ITFG1: variants seen among roughly 807,000 people sequenced by gnomAD.
ITFG1 encodes the protein T-cell immunomodulatory protein.
In ITFG1, 34 loss-of-function variants were observed where a neutral mutation model predicts 81.8. The ratio of observed to expected loss-of-function variants is 0.42; its 90% confidence interval spans 0.32 to 0.55. The LOEUF (loss-of-function observed/expected upper bound fraction) is 0.55. ITFG1 is among the 20% of genes least tolerant of loss of function. The pLI, the probability that ITFG1 is intolerant of heterozygous loss-of-function variation, is 0.17. For synonymous variants in ITFG1, 285 were observed against 270.6 expected (o/e 1.05, Z -0.52); for missense variants, 672 against 755.4 (o/e 0.89, Z 1.29).
chr16:47,199,269 C>CACAAACCAAA (rs1555503771), intron 14 of ITFG1, among the ~76,000 whole-genome samples: 4 of 150,628 alleles, frequency 2.7e-5, no homozygotes, highest in African/African-American at 9.8e-5. Flanking sequence ...TCCAAAAAAA[C>CACAAACCAAA]CCAAACCAAA....
intron 6 of ITFG1, among the ~76,000 whole-genome samples, chr16:47,428,517 T>TA (rs112235911): frequency 2.3e-3 from 339 of 150,064 alleles, no homozygotes; most frequent in African/African-American, 7.7e-3. Context: ...ATAAAAAAGG[T>TA]AAAAAAAACA....
At chr16:47,215,734 C>A (rs1346325028) in intron 14 of ITFG1, among the ~76,000 whole-genome samples, 1 of 152,112 alleles carries the variant, frequency 6.6e-6, no homozygotes, top group Non-Finnish European at 1.5e-5. Flanking sequence ...TTATAAACAT[C>A]AAAAATTATC....
At chr16:47,188,773 G>GA (rs112805222) in intron 14 of ITFG1, among the ~76,000 whole-genome samples, 15,873 of 148,322 alleles carry the variant, frequency 0.11, 1,671 homozygotes, top group African/African-American at 0.28. Context: ...AGTATAATAA[G>GA]AAAAAAAAAA....
intron 10 of ITFG1, among the ~76,000 whole-genome samples, chr16:47,264,841 A>T (rs115855775): frequency 6.6e-6 from 1 of 152,308 alleles, no homozygotes; most frequent in African/African-American, 2.4e-5. Context: ...TGATGACAGC[A>T]GCTGAGTATT....
At chr16:47,219,584 G>A (rs1965666199) in intron 13 of ITFG1, among the ~76,000 whole-genome samples, 1 of 152,072 alleles carries the variant, frequency 6.6e-6, no homozygotes, top group South Asian at 2.1e-4. Context: ...AGAAACCAAA[G>A]ATTGCAATGG....
intron 6 of ITFG1, among the ~76,000 whole-genome samples, chr16:47,426,983 G>A (rs1415419633): frequency 6.6e-6 from 1 of 152,142 alleles, no homozygotes; most frequent in Non-Finnish European, 1.5e-5. Flanking sequence ...AAAAACAGGT[G>A]GGAAGTGGGG....
intron 13 of ITFG1, among the ~76,000 whole-genome samples, chr16:47,227,460 T>C (rs918061505): frequency 7.2e-5 from 11 of 152,196 alleles, no homozygotes; most frequent in African/African-American, 2.7e-4. Context: ...AAGACTATCA[T>C]TGGCACCCTT....
chr16:47,427,613 G>A (rs1596977160), intron 6 of ITFG1, among the ~76,000 whole-genome samples: 1 of 152,106 alleles, frequency 6.6e-6, no homozygotes, highest in Admixed American at 6.5e-5. Context: ...GCGACAGAGC[G>A]AGACTCTGTC....
intron 8 of ITFG1, among the ~76,000 whole-genome samples, chr16:47,319,785 C>G (rs1967420280): frequency 6.6e-6 from 1 of 152,154 alleles, no homozygotes; most frequent in Non-Finnish European, 1.5e-5. Context: ...CTTTATCCAC[C>G]ATTGCTTTGC....
chr16:47,355,821 TAC>T (rs1340654486), intron 8 of ITFG1, among the ~76,000 whole-genome samples: 1 of 151,952 alleles, frequency 6.6e-6, no homozygotes, highest in African/African-American at 2.4e-5. Flanking sequence ...ATTATAGATA[TAC>T]ATAATCATAT....
At chr16:47,439,502 C>T (rs547279091) in intron 5 of ITFG1, among the ~76,000 whole-genome samples, 4 of 152,356 alleles carry the variant, frequency 2.6e-5, no homozygotes, top group East Asian at 1.9e-4. Context: ...AGAAACTCTA[C>T]AAGCCAGAAG....
intron 5 of ITFG1, among the ~76,000 whole-genome samples, chr16:47,438,816 T>C (rs1969205466): frequency 1.3e-5 from 2 of 152,160 alleles, no homozygotes; most frequent in East Asian, 1.9e-4. Flanking sequence ...TCATCAGCAA[T>C]GGAACAAAGC....
intron 13 of ITFG1, among the ~76,000 whole-genome samples, chr16:47,223,945 C>T (rs1245395389): frequency 6.6e-6 from 1 of 151,786 alleles, no homozygotes; most frequent in Admixed American, 6.6e-5. Context: ...AATCATCATT[C>T]TCAGTAAACT....
intron 14 of ITFG1, among the ~76,000 whole-genome samples, chr16:47,183,081 C>T (rs766943017): frequency 4.9e-4 from 75 of 152,344 alleles, no homozygotes; most frequent in Non-Finnish European, 6.5e-4. Context: ...AAACGGCGCA[C>T]AAGAGATTAT....
At chr16:47,243,946 G>C (rs1228879052) in intron 12 of ITFG1, among the ~76,000 whole-genome samples, 1 of 152,112 alleles carries the variant, frequency 6.6e-6, no homozygotes, top group Non-Finnish European at 1.5e-5. Flanking sequence ...CAGGAGGATC[G>C]CTTGAACCTG....
At chr16:47,269,674 T>C (rs1966316011) in intron 10 of ITFG1, among the ~76,000 whole-genome samples, 1 of 152,124 alleles carries the variant, frequency 6.6e-6, no homozygotes, top group Non-Finnish European at 1.5e-5. Flanking sequence ...AGTCAGAGGA[T>C]GCAATATTGT....
At chr16:47,402,796 T>C (rs925149970) in intron 6 of ITFG1, among the ~76,000 whole-genome samples, 5 of 152,214 alleles carry the variant, frequency 3.3e-5, no homozygotes, top group African/African-American at 9.6e-5. Flanking sequence ...TATCTTTGCA[T>C]AGGACCAAAG....
chr16:47,400,237 C>G (rs1307668503), intron 6 of ITFG1, among the ~76,000 whole-genome samples: 1 of 152,158 alleles, frequency 6.6e-6, no homozygotes, highest in East Asian at 1.9e-4. Context: ...ATATGTACTA[C>G]TAGAGACCAG....
At chr16:47,400,714 AGCAAAGAG>A (rs1236982591) in intron 6 of ITFG1, among the ~76,000 whole-genome samples, 2 of 120,904 alleles carry the variant, frequency 1.7e-5, no homozygotes, top group African/African-American at 1.1e-4. Flanking sequence ...AGGTAGGGGA[AGCAAAGAG>A]GTAGGGGAAG....
Sources: allele counts gnomAD v4.1 joint callset (sites outside exome capture counted in the v4.1 genomes callset), GRCh38; gene constraint gnomAD v4.1.1; transcripts MANE v1.5; gene names NCBI Gene and HGNC (gene_info 2026-07-23, HGNC 2026-07-21).